Variants in FOXP4 observed in about 807,000 individuals in gnomAD.
The protein encoded by FOXP4 is forkhead box protein P4.
A neutral mutation model predicts 82.6 loss-of-function variants in FOXP4; 25 were observed. The observed-to-expected ratio is 0.30, with a 90% CI of 0.22 to 0.42. The LOEUF (loss-of-function observed/expected upper bound fraction) is 0.42, where lower values mean the gene tolerates loss of function less well. FOXP4 is among the 10% of genes least tolerant of loss of function. The pLI, the probability that FOXP4 is intolerant of heterozygous loss-of-function variation, is 1.00. For missense variants in FOXP4, 785 were observed against 900.9 expected, an observed-to-expected ratio of 0.87 and a Z score of 1.65; for synonymous variants, 415 against 388.2, an observed-to-expected ratio of 1.07 and a Z score of -0.81.
At chr6:41,595,061 A>T in intron 14 of FOXP4, 70 bp downstream of exon 14, 1 of 1,600,962 alleles carries the variant, frequency 6.2e-7, no homozygotes, top group African/African-American at 1.3e-5. Context: ...CCCACCCCCT[A>T]CCTCTCCAGG....
chr6:41,597,861 C>T lies in FOXP4; in HGVS notation c.1806C>T (p.Pro602=). 2 of 1,600,572 alleles carry T rather than the reference C, an allele frequency of 1.2e-6. No homozygotes were observed. The highest frequency in any genetic ancestry group is 1.7e-6 in the Non-Finnish European group (2 of 1,177,352). The part of the protein sequence containing the change: ...LNPGSASSLL[P]LSHDDVGAPV... Reference sequence around the variant, plus strand: ...CTGGCTCCGCCAGCAGCCTGCTGCCCCTCAGCCACGATGACGTGGGTGCCC... The same window carrying T: ...CTGGCTCCGCCAGCAGCCTGCTGCCTCTCAGCCACGATGACGTGGGTGCCC... Residue 602 remains proline, a synonymous_variant, in exon 16 of 17, where the codon CCC becomes CCT. Coordinates refer to ENST00000307972, the MANE Select transcript of FOXP4 (RefSeq NM_001012426.2).
At position 41,588,710 on chromosome 6, in the gene FOXP4, G is replaced by A; in HGVS notation, c.1044G>A (p.Val348=). ...STAQCRVQMQ[V]VQQLEIQLAK... is the part of the protein sequence containing the mutation. Reference sequence around the variant, plus strand: ...CCCAGTGCCGGGTACAGATGCAGGTGGTGCAGCAGCTGGAGATCCAGGTGT... The same window carrying A: ...CCCAGTGCCGGGTACAGATGCAGGTAGTGCAGCAGCTGGAGATCCAGGTGT... The change falls in exon 9 of 17, where the codon GTG becomes GTA. Residue 348 remains valine (V), a synonymous_variant. Coordinates refer to ENST00000307972, the MANE Select transcript of FOXP4 (RefSeq NM_001012426.2). 1 of 1,613,884 alleles carries A rather than the reference G, an allele frequency of 6.2e-7. No individual in the cohort carries two copies. Among genetic ancestry groups the A allele is most frequent in the Non-Finnish European group, 8.5e-7 (1 of 1,180,022 alleles).
intron 14 of FOXP4, 62 bp from the exon 15 acceptor site, chr6:41,597,114 A>G (rs1356840971): frequency 1.2e-5 from 18 of 1,546,352 alleles, no homozygotes; most frequent in Non-Finnish European, 1.4e-5. Context: ...GTGAGAGTAA[A>G]GAGATGCGAA....
At position 41,599,457 on chromosome 6, in the gene FOXP4, T is replaced by C. The variant is rs1767089234; in HGVS notation, c.*521T>C. 1 of 154,256 alleles carries C rather than the reference T, an allele frequency of 6.5e-6. No homozygotes were observed. Among genetic ancestry groups the C allele is most frequent in the African/African-American group, 2.4e-5 (1 of 41,416 alleles). 9.6% of individuals were successfully genotyped at this position (154,256 alleles called of 1,614,324 possible). A position where few individuals can be genotyped will look rare whatever the true frequency, so the allele number is the denominator to read the frequency against. On this transcript the variant is annotated 3_prime_UTR_variant, in exon 17 of 17. Coordinates refer to ENST00000307972, the MANE Select transcript of FOXP4 (RefSeq NM_001012426.2). ...CCCCAGCTCCCACCCTGCCCTGGCC[T>C]GGGTGGAGGAACTGTGCCTCCATCC...
At chr6:41,555,750 G>A (rs1035328730) in intron 1 of FOXP4, among the ~76,000 whole-genome samples, 3 of 152,180 alleles carry the variant, frequency 2.0e-5, no homozygotes, top group African/African-American at 7.2e-5. Flanking sequence ...GCTTTGATAT[G>A]CTAATTAGGG....
intron 1 of FOXP4, among the ~76,000 whole-genome samples, chr6:41,561,468 A>G (rs996505441): frequency 2.0e-4 from 30 of 152,192 alleles, no homozygotes; most frequent in South Asian, 6.2e-4. Flanking sequence ...GACTTGCCCA[A>G]GGTCACACAG....
intron 1 of FOXP4, among the ~76,000 whole-genome samples, chr6:41,555,980 G>A (rs1164041453): frequency 6.6e-6 from 1 of 151,892 alleles, no homozygotes; most frequent in African/African-American, 2.4e-5. Flanking sequence ...TTTTTGGTCT[G>A]TGTAGTAGGA....
At chr6:41,589,926 CG>C (rs1054864120) in intron 10 of FOXP4, 36 bp from the exon 11 acceptor site, 3 of 1,610,560 alleles carry the variant, frequency 1.9e-6, no homozygotes, top group Non-Finnish European at 1.7e-6. Context: ...CCCCCACCCT[CG>C]GGCACTGGTC....
intron 3 of FOXP4, among the ~76,000 whole-genome samples, chr6:41,580,191 A>T (rs1264725376): frequency 6.6e-6 from 1 of 152,044 alleles, no homozygotes; most frequent in South Asian, 2.1e-4. Context: ...ACAGGCATGC[A>T]CCACCAAGCC....
At chr6:41,566,638 T>C (rs1165530388) in intron 2 of FOXP4, among the ~76,000 whole-genome samples, 1 of 152,192 alleles carries the variant, frequency 6.6e-6, no homozygotes, top group African/African-American at 2.4e-5. Flanking sequence ...GGTTGGGTGA[T>C]GACAGAGCAG....
At chr6:41,570,711 C>A (rs1765152452) in intron 2 of FOXP4, among the ~76,000 whole-genome samples, 1 of 152,196 alleles carries the variant, frequency 6.6e-6, no homozygotes, top group Non-Finnish European at 1.5e-5. Flanking sequence ...TGGCAGAATT[C>A]TTTTCCCTGC....
At chr6:41,588,460 A>G (rs1766293274) in intron 8 of FOXP4, among the ~76,000 whole-genome samples, 184 bp from the exon 9 acceptor site, 2 of 152,258 alleles carry the variant, frequency 1.3e-5, no homozygotes, top group African/African-American at 4.8e-5. Context: ...AAAGACATCA[A>G]AGGAGGCTGA....
At chr6:41,574,478 T>A (rs1341353894) in intron 2 of FOXP4, among the ~76,000 whole-genome samples, 1 of 152,226 alleles carries the variant, frequency 6.6e-6, no homozygotes, top group Non-Finnish European at 1.5e-5. Context: ...CTGTTAAGTT[T>A]AGTGTCAGCC....
rs1350221414 is a variant in FOXP4 at position 41,587,052 on chromosome 6, A to C, written c.554A>C (p.Gln185Pro). The C allele has an allele frequency of 2.5e-6, 4 of 1,605,746 alleles. No individual in the cohort carries two copies. The highest frequency in any genetic ancestry group is 3.4e-6 in the Non-Finnish European group (4 of 1,174,052). The change falls in exon 6 of 17, where the codon CAA (glutamine) becomes CCA (proline). Residue 185 changes from glutamine (Q) to proline (P), a missense_variant. By Grantham distance (76) the Gln-to-Pro change is moderately conservative. Transcript: ENST00000307972. ...KQLAFQQQLLQMQQLQQQHLL... is the reference protein window; with the variant it reads ...KQLAFQQQLLPMQQLQQQHLL... The stretch of plus-strand genomic sequence containing the variant: ...CTGGCCTTCCAGCAGCAGCTCCTGC[A>C]AATGCAACAGTTGCAGCAGCAGCAC...
Position 41,587,062 on chromosome 6 carries a change from G to C in FOXP4, c.564G>C (p.Gln188His), listed in dbSNP as rs1766175372. The change falls in exon 6 of 17, where the codon CAG becomes CAC. Residue 188 changes from glutamine to histidine, a missense_variant. By Grantham distance (24) the Gln-to-His change is conservative. Coordinates refer to ENST00000307972, the MANE Select transcript of FOXP4 (RefSeq NM_001012426.2). ...AFQQQLLQMQQLQQQHLLNLQ... is the reference protein window; with the variant it reads ...AFQQQLLQMQHLQQQHLLNLQ... Reference sequence around the variant, plus strand: ...AGCAGCAGCTCCTGCAAATGCAACAGTTGCAGCAGCAGCACCTGCTCAACC... The same window carrying C: ...AGCAGCAGCTCCTGCAAATGCAACACTTGCAGCAGCAGCACCTGCTCAACC... 1 of 1,607,186 alleles carries C rather than the reference G, an allele frequency of 6.2e-7. No individual in the cohort carries two copies.
Position 41,597,846 on chromosome 6 carries a change from C to A in FOXP4, c.1791C>A (p.Ala597=). Residue 597 remains alanine (A), a synonymous_variant, in exon 16 of 17, where the codon GCC becomes GCA. Coordinates refer to ENST00000307972, the MANE Select transcript of FOXP4 (RefSeq NM_001012426.2). The part of the protein sequence containing the change: ...NSPGMLNPGS[A]SSLLPLSHDD... The stretch of plus-strand genomic sequence containing the variant: ...CTGGCATGCTGAACCCTGGCTCCGC[C>A]AGCAGCCTGCTGCCCCTCAGCCACG... The A allele has an allele frequency of 6.2e-7, 1 of 1,602,998 alleles. No homozygotes were observed. The highest frequency in any genetic ancestry group is 8.5e-7 in the Non-Finnish European group (1 of 1,178,026).
At chr6:41,594,745 C>G in intron 13 of FOXP4, 125 bp from the exon 14 acceptor site, 1 of 1,438,060 alleles carries the variant, frequency 7.0e-7, no homozygotes, top group South Asian at 1.3e-5. Flanking sequence ...ACCCCCCTCC[C>G]CTGCTCATCC....
At chr6:41,588,888 G>A (rs1159682136) in intron 9 of FOXP4, among the ~76,000 whole-genome samples, 157 bp downstream of exon 9, 2 of 152,310 alleles carry the variant, frequency 1.3e-5, no homozygotes, top group African/African-American at 4.8e-5. Context: ...AATGACCATG[G>A]TTGTGAGGTG....
intron 9 of FOXP4, among the ~76,000 whole-genome samples, chr6:41,589,480 C>T (rs534634025): frequency 2.0e-5 from 3 of 152,314 alleles, no homozygotes; most frequent in South Asian, 4.1e-4. Context: ...AGAAGCCTCC[C>T]AACATGTAGA....
Sources: gnomAD v4.1 joint callset for allele counts (sites outside exome capture counted in the v4.1 genomes callset) on GRCh38, gnomAD v4.1.1 for gene constraint, MANE v1.5 for transcripts, NCBI Gene and HGNC (gene_info 2026-07-23, HGNC 2026-07-21) for gene names.